NFATC3: variants seen among roughly 807,000 people sequenced by gnomAD.
The protein encoded by NFATC3 is nuclear factor of activated T cells 3.
A neutral mutation model predicts 98.6 loss-of-function variants in NFATC3; 46 were observed. The observed-to-expected ratio is 0.47, with a 90% CI of 0.37 to 0.60. The LOEUF is 0.60. Among genes scored for constraint, NFATC3 ranks in the 20% least tolerant of loss-of-function variants. The pLI is 0.00. For missense variants in NFATC3, 1,256 were observed against 1,295.5 expected, an observed-to-expected ratio of 0.97 and a Z score of 0.47; for synonymous variants, 512 against 472.2, an observed-to-expected ratio of 1.08 and a Z score of -1.09.
chr16:68,197,569 A>G (rs996641763), intron 9 of NFATC3, among the ~76,000 whole-genome samples: 4 of 152,244 alleles, frequency 2.6e-5, no homozygotes, highest in Non-Finnish European at 5.9e-5. Context: ...CGTGGACAAC[A>G]TAGCAAGACC....
chr16:68,184,423 G>A (rs1352159423), intron 8 of NFATC3, among the ~76,000 whole-genome samples: 4 of 152,046 alleles, frequency 2.6e-5, no homozygotes, highest in Admixed American at 6.6e-5. Flanking sequence ...GGTTTTTTCC[G>A]CAAAAAATGG....
At chr16:68,217,949 G>A in intron 9 of NFATC3, 2 of 1,220,724 alleles carry the variant, frequency 1.6e-6, no homozygotes, top group Non-Finnish European at 2.0e-6. Flanking sequence ...GATTACTGTG[G>A]AAGAATGAAT....
chr16:68,138,836 T>A, intron 3 of NFATC3: 1 of 1,195,812 alleles, frequency 8.4e-7, no homozygotes, highest in Non-Finnish European at 1.1e-6. Context: ...CAGGAATAAA[T>A]CATGGCTAAG....
At chr16:68,209,869 T>A (rs2041305026) in intron 9 of NFATC3, 23 of 260,274 alleles carry the variant, frequency 8.8e-5, no homozygotes, top group South Asian at 5.0e-4. Context: ...ACACACACAC[T>A]CACAGTCACA....
In NFATC3 at chr16:68,085,739, G is replaced by A. The variant is rs199532283; in HGVS notation, c.58G>A (p.Glu20Lys). The A allele has an allele frequency of 4.4e-5, 66 of 1,508,892 alleles. No individual in the cohort carries two copies. In the Admixed American group the frequency reaches 6.4e-4, roughly 15 times the overall value. The allele number at this position is 1,508,892 out of a possible 1,614,324, so 93.5% of individuals were successfully genotyped here. ...GCTCGACTTCAAACTCGTCTTTGGC[G>A]AGGACGGGGCGCCGGCGCCGCCGCC... ...DELDFKLVFG[E>K]DGAPAPPPPG... The change falls in exon 1 of 10, where the codon GAG (glutamate) becomes AAG (lysine). Residue 20 changes from glutamate (E) to lysine (K), a missense_variant. Transcript: ENST00000346183.
At chr16:68,180,206 T>C (rs2039894620) in intron 6 of NFATC3, among the ~76,000 whole-genome samples, 1 of 152,088 alleles carries the variant, frequency 6.6e-6, no homozygotes, top group Non-Finnish European at 1.5e-5. Context: ...TGCTAGCCAG[T>C]AGGAGAGGAG....
intron 3 of NFATC3, among the ~76,000 whole-genome samples, chr16:68,146,457 G>T (rs2038046324): frequency 6.6e-6 from 1 of 151,890 alleles, no homozygotes; most frequent in Admixed American, 6.6e-5. Context: ...TTATACAGTG[G>T]TAAGTTTTAT....
At chr16:68,086,008 G>T (rs2034350977) in intron 1 of NFATC3, 1 of 431,176 alleles carries the variant, frequency 2.3e-6, no homozygotes, top group Non-Finnish European at 4.1e-6. Flanking sequence ...CAAACTAGTG[G>T]GGAACTCGAC....
At chr16:68,152,501 G>A (rs1392404667) in intron 3 of NFATC3, among the ~76,000 whole-genome samples, 3 of 152,002 alleles carry the variant, frequency 2.0e-5, no homozygotes, top group Non-Finnish European at 4.4e-5. Flanking sequence ...GCCAAAATGG[G>A]CCCTACACCT....
chr16:68,205,255 G>A lies in NFATC3; in HGVS notation c.3106+13480G>A, dbSNP rs190505607. 6.2e-3 allele frequency among the ~76,000 whole-genome samples: 939 copies of A among 152,048 alleles called. 11 individuals carry two copies. The highest frequency in any genetic ancestry group is 0.022 in the African/African-American group (896 of 41,462). On this transcript the variant is annotated intron_variant, in intron 9 of 9. Transcript: ENST00000346183. Reference sequence around the variant, plus strand: ...CATTTTAAATGTGTTTATTTCTTTGGTGGGGGAACGGAGACAGGAGTTTGC... The same window carrying A: ...CATTTTAAATGTGTTTATTTCTTTGATGGGGGAACGGAGACAGGAGTTTGC...
chr16:68,140,340 T>TAGGGAAAAGGTAGATACTAAGG (rs2037683268), intron 3 of NFATC3, among the ~76,000 whole-genome samples: 1 of 152,132 alleles, frequency 6.6e-6, no homozygotes, highest in Non-Finnish European at 1.5e-5. Context: ...AGCAGACATC[T>TAGGGAAAAGGTAGATACTAAGG]AGGGAAAAGG....
chr16:68,170,174 C>CCT lies in NFATC3; in HGVS notation c.1774+3159_1774+3160insCT. 2.0e-5 allele frequency among the ~76,000 whole-genome samples: 3 copies of CCT among 151,906 alleles called. No individual in the cohort carries two copies. In the South Asian group the frequency reaches 6.2e-4, roughly 32 times the overall value. ...TTGAGAGGCCGAGGTGGGCAGATCA[C>CCT]GACGTCAAGAGATCGACACCATCCT... is the stretch of plus-strand genomic sequence containing the variant. On this transcript the variant is annotated intron_variant, in intron 5 of 9. Coordinates refer to ENST00000346183, the MANE Select transcript of NFATC3 (RefSeq NM_173165.3).
chr16:68,210,285 G>A (rs1458871506), intron 9 of NFATC3, among the ~76,000 whole-genome samples: 1 of 145,032 alleles, frequency 6.9e-6, no homozygotes, highest in Non-Finnish European at 1.5e-5. Flanking sequence ...GCGACAGAGT[G>A]AGATTCCTTC....
chr16:68,195,679 T>A (rs554971697), intron 9 of NFATC3, among the ~76,000 whole-genome samples: 242 of 150,542 alleles, frequency 1.6e-3, no homozygotes, highest in Middle Eastern at 3.4e-3. Flanking sequence ...GTGGTGGTGG[T>A]CGCCTGTAGT....
At chr16:68,109,214 C>G (rs1208865119) in intron 1 of NFATC3, among the ~76,000 whole-genome samples, 1 of 152,180 alleles carries the variant, frequency 6.6e-6, no homozygotes, top group African/African-American at 2.4e-5. Flanking sequence ...GTGGGTTTGT[C>G]TTAAATGGCT....
At chr16:68,181,423 G>A in intron 6 of NFATC3, 52 bp from the exon 7 acceptor site, 4 of 1,355,470 alleles carry the variant, frequency 3.0e-6, no homozygotes, top group East Asian at 2.3e-5. Context: ...GATTTTGTCT[G>A]TATGCTTTCT....
chr16:68,104,151 C>T (rs1403528944), intron 1 of NFATC3, among the ~76,000 whole-genome samples: 1 of 152,150 alleles, frequency 6.6e-6, no homozygotes, highest in East Asian at 1.9e-4. Context: ...CATTGTTTTT[C>T]AATCCATGTA....
At chr16:68,169,479 C>CTGGACTTAA (rs1048060824) in intron 5 of NFATC3, among the ~76,000 whole-genome samples, 5 of 152,150 alleles carry the variant, frequency 3.3e-5, no homozygotes, top group Admixed American at 6.5e-5. Flanking sequence ...TCTTGAACTC[C>CTGGACTTAA]TGGACTTAAG....
At chr16:68,102,969 A>G (rs767293705) in intron 1 of NFATC3, among the ~76,000 whole-genome samples, 59 of 152,080 alleles carry the variant, frequency 3.9e-4, no homozygotes, top group Admixed American at 9.2e-4. Flanking sequence ...GATGTTGAAC[A>G]TCTTTTCATG....
Sources: gnomAD v4.1 joint callset for allele counts (sites outside exome capture counted in the v4.1 genomes callset) on GRCh38, gnomAD v4.1.1 for gene constraint, MANE v1.5 for transcripts, NCBI Gene and HGNC (gene_info 2026-07-23, HGNC 2026-07-21) for gene names.